Variants in SPAG16 observed in about 807,000 individuals in gnomAD.
SPAG16 encodes the protein sperm-associated antigen 16 protein.
In SPAG16, 86 loss-of-function variants were observed where a neutral mutation model predicts 80.4. That is an observed-to-expected ratio of 1.07 (90% CI 0.90 to 1.28). The LOEUF (loss-of-function observed/expected upper bound fraction) is 1.28, where lower values mean the gene tolerates loss of function less well. SPAG16 is among the 50% of genes most tolerant of loss of function. The pLI is 0.00. For synonymous variants in SPAG16, 294 were observed against 265.9 expected, an observed-to-expected ratio of 1.11 and a Z score of -1.03; for missense variants, 870 against 765.3, an observed-to-expected ratio of 1.14 and a Z score of -1.61.
chr2:213,504,947 C>T (rs893426386), intron 10 of SPAG16, among the ~76,000 whole-genome samples: 2 of 152,212 alleles, frequency 1.3e-5, no homozygotes, highest in Non-Finnish European at 2.9e-5. Flanking sequence ...TCGGAATTTT[C>T]CAAGGCAATG....
chr2:213,909,036 A>G (rs1024094666), intron 11 of SPAG16, among the ~76,000 whole-genome samples: 2 of 144,274 alleles, frequency 1.4e-5, no homozygotes, highest in African/African-American at 5.2e-5. Flanking sequence ...TTGTTTTTTT[A>G]TCCAAAATCA....
In SPAG16 at chr2:213,292,208, G is replaced by T. The variant is rs190495031; in HGVS notation, c.137-3856G>T. Among the ~76,000 whole-genome samples the T allele has an allele frequency of 6.6e-5, 10 of 152,202 alleles. No homozygotes were observed. The East Asian group carries it at 1.9e-3, about 29-fold the overall frequency. ...ATTTACTTCTTTTTGAAATTATTAT[G>T]ATGTGAACATGGTGAAGGATGGCAT... On this transcript the variant is annotated intron_variant, in intron 1 of 15. Coordinates refer to ENST00000331683, the MANE Select transcript of SPAG16 (RefSeq NM_024532.5).
intron 11 of SPAG16, among the ~76,000 whole-genome samples, chr2:213,889,716 T>C (rs531727148): frequency 1.5e-5 from 2 of 135,920 alleles, no homozygotes; most frequent in Non-Finnish European, 3.3e-5. Flanking sequence ...TATATACATA[T>C]GCATATATAT....
chr2:214,238,261 T>G, intron 15 of SPAG16: 1 of 312,196 alleles, frequency 3.2e-6, no homozygotes. Flanking sequence ...TGAGATATTT[T>G]ATGCCTCGTT....
intron 12 of SPAG16, among the ~76,000 whole-genome samples, chr2:213,978,500 G>C (rs1327546511): frequency 6.6e-6 from 1 of 151,956 alleles, no homozygotes; most frequent in Admixed American, 6.6e-5. Context: ...CTATTGCCTG[G>C]TTTCAAAATG....
At chr2:213,703,325 T>C (rs2065583559) in intron 10 of SPAG16, among the ~76,000 whole-genome samples, 1 of 152,216 alleles carries the variant, frequency 6.6e-6, no homozygotes, top group South Asian at 2.1e-4. Context: ...TCTCCAGCAT[T>C]GTCCTTTCCT....
intron 15 of SPAG16, among the ~76,000 whole-genome samples, chr2:214,200,276 G>A (rs972759702): frequency 1.3e-5 from 2 of 152,050 alleles, no homozygotes; most frequent in Non-Finnish European, 2.9e-5. Flanking sequence ...TGCCAATGTC[G>A]TTGAGGGTTT....
chr2:213,981,199 A>C lies in SPAG16; in HGVS notation c.1401-32752A>C, dbSNP rs114451263. ...GTTTGAATGCTGCTATAAGAATACAAATCCTTTCAGATCAGTGCTTCACCC... is the reference window on the plus strand; with the variant it reads ...GTTTGAATGCTGCTATAAGAATACACATCCTTTCAGATCAGTGCTTCACCC... On this transcript the variant is annotated intron_variant, in intron 12 of 15. Transcript: ENST00000331683. Among the ~76,000 whole-genome samples, 400 of 152,220 alleles carry C rather than the reference A, an allele frequency of 2.6e-3. 3 individuals carry two copies. The highest frequency in any genetic ancestry group is 9.2e-3 in the African/African-American group (383 of 41,552).
intron 8 of SPAG16, among the ~76,000 whole-genome samples, chr2:213,370,169 A>G (rs572698823): frequency 3.3e-5 from 5 of 152,346 alleles, no homozygotes; most frequent in Middle Eastern, 3.4e-3. Context: ...AAGTAACACA[A>G]CAATACAAGC....
intron 9 of SPAG16, among the ~76,000 whole-genome samples, chr2:213,417,766 T>C (rs2069343295): frequency 6.6e-6 from 1 of 152,190 alleles, no homozygotes; most frequent in Non-Finnish European, 1.5e-5. Flanking sequence ...TATAAAAATA[T>C]ATTTTTATAT....
At chr2:213,564,701 A>G (rs893405481) in intron 10 of SPAG16, among the ~76,000 whole-genome samples, 1 of 152,152 alleles carries the variant, frequency 6.6e-6, no homozygotes, top group Non-Finnish European at 1.5e-5. Context: ...TTTATTGAAC[A>G]TGTCTCATGT....
intron 9 of SPAG16, among the ~76,000 whole-genome samples, chr2:213,382,905 T>A (rs2067244502): frequency 6.6e-6 from 1 of 152,188 alleles, no homozygotes; most frequent in South Asian, 2.1e-4. Flanking sequence ...CTGCTGCCTT[T>A]GTCATGTAAA....
intron 13 of SPAG16, among the ~76,000 whole-genome samples, chr2:214,041,908 T>C (rs1028439212): frequency 3.3e-4 from 48 of 147,450 alleles, no homozygotes; most frequent in Non-Finnish European, 2.5e-4. Context: ...TCTGTGTATA[T>C]ATTATATATA....
intron 10 of SPAG16, among the ~76,000 whole-genome samples, chr2:213,712,954 T>G (rs1224045291): frequency 2.0e-5 from 3 of 152,110 alleles, no homozygotes; most frequent in Non-Finnish European, 4.4e-5. Context: ...AGAGGTTTAA[T>G]GGACTCACAG....
intron 12 of SPAG16, among the ~76,000 whole-genome samples, chr2:213,957,829 T>C (rs1032303565): frequency 3.9e-5 from 6 of 152,228 alleles, no homozygotes; most frequent in Non-Finnish European, 8.8e-5. Context: ...TTTGAATTTA[T>C]ACCAGCTTAA....
chr2:213,602,005 CA>C (rs1210113851), intron 10 of SPAG16, among the ~76,000 whole-genome samples: 2 of 152,186 alleles, frequency 1.3e-5, no homozygotes, highest in African/African-American at 4.8e-5. Context: ...CTCGCATGTG[CA>C]GTTCACAAAA....
chr2:213,860,439 A>G (rs1285077668), intron 10 of SPAG16, among the ~76,000 whole-genome samples: 9 of 134,630 alleles, frequency 6.7e-5, no homozygotes, highest in Middle Eastern at 3.8e-3. Flanking sequence ...CTATATATTT[A>G]TAGATATATG....
intron 13 of SPAG16, among the ~76,000 whole-genome samples, chr2:214,023,033 G>A (rs1005735065): frequency 1.3e-5 from 2 of 151,864 alleles, no homozygotes; most frequent in Non-Finnish European, 2.9e-5. Context: ...CCCTGACAGT[G>A]CATCTGACAT....
At chr2:213,557,277 G>T (rs1249242597) in intron 10 of SPAG16, among the ~76,000 whole-genome samples, 2 of 151,904 alleles carry the variant, frequency 1.3e-5, no homozygotes, top group Non-Finnish European at 2.9e-5. Context: ...CTTTGTTATT[G>T]TTTTATTGTA....
Sources: gnomAD v4.1 joint callset for allele counts (sites outside exome capture counted in the v4.1 genomes callset) on GRCh38, gnomAD v4.1.1 for gene constraint, MANE v1.5 for transcripts, NCBI Gene and HGNC (gene_info 2026-07-23, HGNC 2026-07-21) for gene names.